CSMD1: variants seen among roughly 807,000 people sequenced by gnomAD.
CSMD1 encodes the protein CUB and sushi domain-containing protein 1.
In CSMD1, 213 loss-of-function variants were observed where a neutral mutation model predicts 417.5. That is an observed-to-expected ratio of 0.51 (90% confidence interval 0.46 to 0.57). CSMD1 has a LOEUF of 0.57. Among genes scored for constraint, CSMD1 ranks in the 20% least tolerant of loss-of-function variants. The pLI is 0.00. For synonymous variants in CSMD1, 2,862 were observed against 1,736.8 expected, an observed-to-expected ratio of 1.65 and a Z score of -16.11; for missense variants, 6,923 against 4,529.7, an observed-to-expected ratio of 1.53 and a Z score of -15.17.
At chr8:4,453,165 G>C (rs558775279) in intron 2 of CSMD1, among the ~76,000 whole-genome samples, 2 of 151,238 alleles carry the variant, frequency 1.3e-5, no homozygotes, top group African/African-American at 2.4e-5. Context: ...GCACAAGCCC[G>C]TTCCCCCCTC....
intron 5 of CSMD1, among the ~76,000 whole-genome samples, chr8:3,760,432 G>C (rs564032853): frequency 1.3e-5 from 2 of 152,268 alleles, no homozygotes; most frequent in South Asian, 4.1e-4. Flanking sequence ...AAATAGAACA[G>C]GCCAGTCTGT....
intron 2 of CSMD1, among the ~76,000 whole-genome samples, chr8:4,591,430 G>T (rs1799976749): frequency 6.6e-6 from 1 of 152,198 alleles, no homozygotes; most frequent in Non-Finnish European, 1.5e-5. Flanking sequence ...ATTCCAAACA[G>T]AAATGAGCAA....
At position 4,864,923 on chromosome 8, in the gene CSMD1, C is replaced by T. The variant is rs116340392; in HGVS notation, c.85+129409G>A. Among the ~76,000 whole-genome samples the T allele has an allele frequency of 2.8e-3, 414 of 148,506 alleles. 6 individuals carry two copies. The highest frequency in any genetic ancestry group is 9.5e-3 in the African/African-American group (386 of 40,664). On this transcript the variant is annotated intron_variant, in intron 1 of 69. Coordinates refer to ENST00000635120, the MANE Select transcript of CSMD1 (RefSeq NM_033225.6). ...ACACACACACACACACTTGATATAA[C>T]TGTTCTACAACACTGGTATTCTGAA...
intron 5 of CSMD1, among the ~76,000 whole-genome samples, chr8:3,865,719 A>G (rs1377270849): frequency 6.6e-6 from 1 of 152,000 alleles, no homozygotes; most frequent in Non-Finnish European, 1.5e-5. Context: ...CAACAACAAA[A>G]TCTCCATTCA....
chr8:3,822,647 C>G (rs910978866), intron 5 of CSMD1, among the ~76,000 whole-genome samples: 7 of 152,168 alleles, frequency 4.6e-5, no homozygotes, highest in African/African-American at 1.7e-4. Flanking sequence ...TTATTACATT[C>G]CGTCTTCATT....
intron 45 of CSMD1, chr8:3,107,109 A>T (rs1269078509): frequency 1.9e-5 from 3 of 155,808 alleles, no homozygotes; most frequent in Non-Finnish European, 4.2e-5. Context: ...TCTGAAACAC[A>T]GGGCAGAGTT....
intron 2 of CSMD1, among the ~76,000 whole-genome samples, chr8:4,470,123 G>A (rs984346958): frequency 5.3e-5 from 8 of 151,976 alleles, no homozygotes; most frequent in African/African-American, 1.9e-4. Context: ...GCCCGCCTCG[G>A]CCTCCCAAAG....
chr8:3,852,232 T>C (rs917524533), intron 5 of CSMD1, among the ~76,000 whole-genome samples: 3 of 152,102 alleles, frequency 2.0e-5, no homozygotes, highest in Admixed American at 1.3e-4. Flanking sequence ...CGCAGGAACA[T>C]GCACCAGATG....
chr8:4,340,567 G>A (rs1182213459), intron 3 of CSMD1, among the ~76,000 whole-genome samples: 1 of 152,006 alleles, frequency 6.6e-6, no homozygotes, highest in Non-Finnish European at 1.5e-5. Flanking sequence ...GGCAATTCAG[G>A]GACAAAACCC....
At chr8:2,962,087 T>C (rs947985240) in intron 61 of CSMD1, among the ~76,000 whole-genome samples, 2 of 152,142 alleles carry the variant, frequency 1.3e-5, no homozygotes, top group Non-Finnish European at 1.5e-5. Flanking sequence ...CGATAAAACT[T>C]GACTCTGCAG....
At chr8:4,049,908 C>G (rs1173448539) in intron 3 of CSMD1, among the ~76,000 whole-genome samples, 1 of 33,108 alleles carries the variant, frequency 3.0e-5, no homozygotes, top group African/African-American at 2.1e-4. Flanking sequence ...CTTTCTGTTT[C>G]AGGAATCCAT....
At chr8:3,336,215 C>T (rs1412545656) in intron 23 of CSMD1, among the ~76,000 whole-genome samples, 1 of 152,050 alleles carries the variant, frequency 6.6e-6, no homozygotes, top group African/African-American at 2.4e-5. Flanking sequence ...ATAGCAAGGC[C>T]TTCGTGTGTG....
chr8:4,962,997 C>A (rs961668439), intron 1 of CSMD1, among the ~76,000 whole-genome samples: 41 of 152,042 alleles, frequency 2.7e-4, no homozygotes, highest in African/African-American at 9.2e-4. Flanking sequence ...ACGCTATATA[C>A]GTATTTTTCA....
At chr8:4,969,886 CAAAAT>C (rs1416732812) in intron 1 of CSMD1, among the ~76,000 whole-genome samples, 1 of 152,030 alleles carries the variant, frequency 6.6e-6, no homozygotes, top group African/African-American at 2.4e-5. Flanking sequence ...ACGAGTGTAT[CAAAAT>C]AAAGGTAGTT....
At chr8:3,139,177 C>A (rs976948880) in intron 41 of CSMD1, among the ~76,000 whole-genome samples, 2 of 152,086 alleles carry the variant, frequency 1.3e-5, no homozygotes, top group African/African-American at 4.8e-5. Flanking sequence ...TGTGTCCTGG[C>A]GCTTGCAGAA....
intron 49 of CSMD1, among the ~76,000 whole-genome samples, chr8:3,058,655 T>A (rs890414150): frequency 6.6e-6 from 1 of 152,102 alleles, no homozygotes; most frequent in Non-Finnish European, 1.5e-5. Context: ...GCCATGCTGA[T>A]GGCACTAATA....
intron 8 of CSMD1, among the ~76,000 whole-genome samples, chr8:3,599,892 C>T (rs1195921506): frequency 6.6e-6 from 1 of 152,152 alleles, no homozygotes; most frequent in African/African-American, 2.4e-5. Flanking sequence ...TGGTTGACTA[C>T]CTTCCCCTTC....
At chr8:3,990,542 C>T (rs2627375) in intron 5 of CSMD1, among the ~76,000 whole-genome samples, 39,522 of 152,108 alleles carry the variant, frequency 0.26, 5,153 homozygotes, top group Admixed American at 0.34. Context: ...TTATCCATAG[C>T]TACCACCATT....
chr8:3,308,398 G>C lies in CSMD1; in HGVS notation c.3737C>G (p.Pro1246Arg). 1 of 1,613,788 alleles carries C rather than the reference G, an allele frequency of 6.2e-7. No individual in the cohort carries two copies. The highest frequency in any genetic ancestry group is 1.1e-5 in the South Asian group (1 of 91,070). Reference protein sequence around the residue: ...TDTVVLYSCNPGYAMHGSNTL... With the variant: ...TDTVVLYSCNRGYAMHGSNTL... ...GTTGCTGCCATGCATGGCGTACCCC[G>C]GGTTGCAACTGTACAGAACTACAGT... The change falls in exon 24 of 70, where the codon CCG (proline) becomes CGG (arginine). Residue 1246 changes from proline to arginine, a missense_variant. Coordinates refer to ENST00000635120, the MANE Select transcript of CSMD1 (RefSeq NM_033225.6).
Sources: allele counts gnomAD v4.1 joint callset (sites outside exome capture counted in the v4.1 genomes callset), GRCh38; gene constraint gnomAD v4.1.1; transcripts MANE v1.5; gene names NCBI Gene and HGNC (gene_info 2026-07-23, HGNC 2026-07-21).